Variants in CCDC178 observed in about 807,000 individuals in gnomAD.
CCDC178 encodes coiled-coil domain-containing protein 178.
Under a neutral mutation model 117.4 loss-of-function variants are expected in CCDC178, and 126 were observed. The observed-to-expected ratio is 1.07, with a 90% CI of 0.93 to 1.24. The LOEUF (loss-of-function observed/expected upper bound fraction) is 1.24, where lower values mean the gene tolerates loss of function less well. Ranked by LOEUF, CCDC178 falls within the 50% of genes most tolerant of loss-of-function variation. The pLI is 0.00. For synonymous variants in CCDC178, 283 were observed against 313.4 expected (o/e 0.90, Z 1.02); for missense variants, 1,030 against 986.9 (o/e 1.04, Z -0.59).
intron 5 of CCDC178, among the ~76,000 whole-genome samples, chr18:33,387,365 T>C (rs2063506830): frequency 6.6e-6 from 1 of 152,142 alleles, no homozygotes. Context: ...TATTTTAAAA[T>C]TCATACAGAA....
chr18:33,098,355 A>G lies in CCDC178; in HGVS notation c.2239-5445T>C, dbSNP rs187209276. 2.1e-4 allele frequency among the ~76,000 whole-genome samples: 32 copies of G among 152,132 alleles called. No homozygotes were observed. In the East Asian group the frequency reaches 3.7e-3, roughly 18 times the overall value. ...TGTAGGCATTTGGATCCAGTTTACC[A>G]GGCAGAGGGGCTAGGTTTTTCTTTC... On this transcript the variant is annotated intron_variant, in intron 20 of 22. Transcript: ENST00000383096.
intron 20 of CCDC178, among the ~76,000 whole-genome samples, chr18:33,182,651 ACT>A (rs1292651831): frequency 6.6e-6 from 1 of 151,968 alleles, no homozygotes; most frequent in African/African-American, 2.4e-5. Context: ...ATAGTCTCTC[ACT>A]ATATATGTCA....
chr18:33,327,701 T>C (rs2062603924), intron 10 of CCDC178, among the ~76,000 whole-genome samples: 1 of 152,158 alleles, frequency 6.6e-6, no homozygotes. Context: ...AGACTAATGA[T>C]GTTGAACATA....
At chr18:33,344,373 T>C (rs1307670506) in intron 9 of CCDC178, among the ~76,000 whole-genome samples, 9 of 151,030 alleles carry the variant, frequency 6.0e-5, no homozygotes, top group Non-Finnish European at 1.3e-4. Context: ...TTGCATATAG[T>C]GGCTACTTAC....
At chr18:33,107,334 T>A (rs541431100) in intron 20 of CCDC178, among the ~76,000 whole-genome samples, 1 of 151,668 alleles carries the variant, frequency 6.6e-6, no homozygotes, top group South Asian at 2.1e-4. Context: ...ATGTATTCCA[T>A]CATTTATTCA....
At chr18:33,313,958 T>C (rs1201196784) in intron 11 of CCDC178, among the ~76,000 whole-genome samples, 2 of 151,864 alleles carry the variant, frequency 1.3e-5, no homozygotes, top group East Asian at 1.9e-4. Context: ...CCCAGCACTT[T>C]GGGAGGCCGA....
intron 21 of CCDC178, among the ~76,000 whole-genome samples, chr18:32,980,939 A>G (rs971258644): frequency 6.6e-6 from 1 of 152,206 alleles, no homozygotes; most frequent in Admixed American, 6.5e-5. Context: ...TTATACTTAA[A>G]GCTACATACT....
At chr18:33,254,308 A>G (rs945211717) in intron 14 of CCDC178, among the ~76,000 whole-genome samples, 1 of 151,248 alleles carries the variant, frequency 6.6e-6, no homozygotes, top group African/African-American at 2.4e-5. Context: ...ACAGATACAT[A>G]TAATGAAGGC....
chr18:33,365,015 T>G (rs1019293195), intron 6 of CCDC178, among the ~76,000 whole-genome samples: 5 of 151,884 alleles, frequency 3.3e-5, no homozygotes, highest in African/African-American at 1.2e-4. Context: ...TTTGTCAGAC[T>G]AGAAGGATGA....
chr18:33,100,567 T>C (rs1198104446), intron 20 of CCDC178, among the ~76,000 whole-genome samples: 1 of 151,956 alleles, frequency 6.6e-6, no homozygotes, highest in Non-Finnish European at 1.5e-5. Context: ...GCAAAAGTGA[T>C]GAGCAAAGTT....
Position 33,062,278 on chromosome 18 carries a change from G to A in CCDC178, c.2388+30483C>T, listed in dbSNP as rs73417429. 8.3e-3 allele frequency among the ~76,000 whole-genome samples: 1,269 copies of A among 152,280 alleles called. 22 individuals are homozygous for A. Among genetic ancestry groups the A allele is most frequent in the African/African-American group, 0.029 (1,215 of 41,548 alleles). Reference sequence around the variant, plus strand: ...TGTTAAGGTACTGGCAAGAAACAAAGTATGAAATATAATCTGACCATGTAT... The same window carrying A: ...TGTTAAGGTACTGGCAAGAAACAAAATATGAAATATAATCTGACCATGTAT... On this transcript the variant is annotated intron_variant, in intron 21 of 22. Transcript: ENST00000383096.
At chr18:33,339,766 T>C (rs1317158334) in intron 9 of CCDC178, among the ~76,000 whole-genome samples, 2 of 152,116 alleles carry the variant, frequency 1.3e-5, no homozygotes, top group African/African-American at 4.8e-5. Context: ...TGCTTCTTCC[T>C]CATTTTTCTC....
At chr18:33,090,532 TA>T (rs2057447908) in intron 21 of CCDC178, among the ~76,000 whole-genome samples, 1 of 152,166 alleles carries the variant, frequency 6.6e-6, no homozygotes, top group Non-Finnish European at 1.5e-5. Flanking sequence ...GGAAATGGAC[TA>T]AAATATTAAA....
At chr18:33,247,219 C>G (rs1297873115) in intron 14 of CCDC178, among the ~76,000 whole-genome samples, 2 of 151,580 alleles carry the variant, frequency 1.3e-5, no homozygotes. Context: ...TTCCAAAGAC[C>G]TAGCAATCAG....
At chr18:33,044,197 T>G (rs2056601985) in intron 21 of CCDC178, among the ~76,000 whole-genome samples, 1 of 151,974 alleles carries the variant, frequency 6.6e-6, no homozygotes, top group Admixed American at 6.6e-5. Context: ...GCAAGGAGAT[T>G]AAAAAGCCTC....
chr18:32,980,235 G>A (rs2055120655), intron 21 of CCDC178, among the ~76,000 whole-genome samples: 1 of 152,070 alleles, frequency 6.6e-6, no homozygotes, highest in Admixed American at 6.5e-5. Context: ...CATATAAGCT[G>A]CAGGTTTAGA....
chr18:32,955,188 T>G (rs2054569546), intron 22 of CCDC178, among the ~76,000 whole-genome samples: 1 of 152,176 alleles, frequency 6.6e-6, no homozygotes, highest in Admixed American at 6.6e-5. Context: ...TTTCTTTACA[T>G]CAATTTCCAC....
At chr18:33,112,019 G>A (rs1244153850) in intron 20 of CCDC178, among the ~76,000 whole-genome samples, 2 of 151,638 alleles carry the variant, frequency 1.3e-5, no homozygotes, top group Non-Finnish European at 3.0e-5. Flanking sequence ...ACTAACAAAT[G>A]AGAAAGTTTC....
chr18:33,226,924 T>G (rs2059309689), intron 15 of CCDC178, 69 bp from the exon 16 acceptor site: 1 of 746,872 alleles, frequency 1.3e-6, no homozygotes, highest in Non-Finnish European at 2.2e-6. Flanking sequence ...TTTAAAACAA[T>G]TGCTAATATA....
Sources: gnomAD v4.1 joint callset for allele counts (sites outside exome capture counted in the v4.1 genomes callset) on GRCh38, gnomAD v4.1.1 for gene constraint, MANE v1.5 for transcripts, NCBI Gene and HGNC (gene_info 2026-07-23, HGNC 2026-07-21) for gene names.